Variants in FBXW8 observed in about 807,000 individuals in gnomAD.
The protein encoded by FBXW8 is F-box and WD repeat domain containing 8.
FBXW8 carries 57 observed loss-of-function variants against 65.3 expected under a neutral mutation model. The observed-to-expected ratio is 0.87, with a 90% CI of 0.71 to 1.09. The LOEUF is 1.09. Ranked by LOEUF, FBXW8 falls within the 50% of genes least tolerant of loss-of-function variation. FBXW8 has a pLI of 0.00. For synonymous variants in FBXW8, 308 were observed against 330.2 expected (o/e 0.93, Z 0.73); for missense variants, 777 against 814.8 (o/e 0.95, Z 0.57).
At chr12:116,937,597 T>C (rs2137327811) in intron 2 of FBXW8, among the ~76,000 whole-genome samples, 1 of 152,326 alleles carries the variant, frequency 6.6e-6, no homozygotes, top group African/African-American at 2.4e-5. Flanking sequence ...CATTGGGTTT[T>C]GCAAGTTGGA....
intron 1 of FBXW8, among the ~76,000 whole-genome samples, chr12:116,913,814 T>G (rs1018128704): frequency 6.6e-6 from 1 of 152,214 alleles, no homozygotes; most frequent in Admixed American, 6.5e-5. Context: ...CTGGAGAATC[T>G]GGAGGGTACA....
intron 1 of FBXW8, among the ~76,000 whole-genome samples, chr12:116,916,083 A>G (rs1176122955): frequency 1.3e-5 from 2 of 152,160 alleles, no homozygotes; most frequent in African/African-American, 2.4e-5. Context: ...CCCTATGAAT[A>G]TGCCACATCT....
intron 5 of FBXW8, among the ~76,000 whole-genome samples, 181 bp downstream of exon 5, chr12:116,965,035 ATT>A (rs1190560142): frequency 6.6e-6 from 1 of 152,236 alleles, no homozygotes; most frequent in African/African-American, 2.4e-5. Flanking sequence ...CCGTCAATGC[ATT>A]AGTAGGCATT....
chr12:116,917,610 T>C (rs1411582317), intron 1 of FBXW8, among the ~76,000 whole-genome samples: 1 of 152,156 alleles, frequency 6.6e-6, no homozygotes, highest in Non-Finnish European at 1.5e-5. Flanking sequence ...TGAAGTTGCC[T>C]TTGGATGGGT....
At chr12:116,939,502 A>C (rs1432483133) in intron 2 of FBXW8, among the ~76,000 whole-genome samples, 1 of 152,182 alleles carries the variant, frequency 6.6e-6, no homozygotes, top group African/African-American at 2.4e-5. Flanking sequence ...ACTTATTAAC[A>C]CCTGGAGGTG....
intron 5 of FBXW8, among the ~76,000 whole-genome samples, chr12:116,984,679 C>T (rs941342495): frequency 6.6e-6 from 1 of 152,190 alleles, no homozygotes; most frequent in Non-Finnish European, 1.5e-5. Flanking sequence ...AACTTTGCTT[C>T]ATGCACAGAA....
At position 116,982,900 on chromosome 12, in the gene FBXW8, C is replaced by G. The variant is rs117168131; in HGVS notation, c.836-2306C>G. ...AGCTCATAGTTATTTTATGCACTTA[C>G]AAATGCAGCCGCTCATCCTGCACTT... On this transcript the variant is annotated intron_variant, in intron 5 of 10. Transcript: ENST00000652555. Among the ~76,000 whole-genome samples the G allele has an allele frequency of 3.8e-4, 58 of 152,286 alleles. 2 individuals carry two copies. In the East Asian group the frequency reaches 0.011, roughly 29 times the overall value.
At chr12:116,929,483 C>A (rs1881598255) in intron 2 of FBXW8, among the ~76,000 whole-genome samples, 1 of 152,054 alleles carries the variant, frequency 6.6e-6, no homozygotes, top group South Asian at 2.1e-4. Context: ...AATCCACCCA[C>A]CTCAGCCTCC....
At chr12:116,926,076 C>T (rs1246222129) in intron 1 of FBXW8, among the ~76,000 whole-genome samples, 3 of 152,160 alleles carry the variant, frequency 2.0e-5, no homozygotes, top group Admixed American at 6.5e-5. Context: ...ACAGAAGGCT[C>T]CTGTTACTAG....
At chr12:116,924,177 T>C (rs1177190686) in intron 1 of FBXW8, among the ~76,000 whole-genome samples, 1 of 151,638 alleles carries the variant, frequency 6.6e-6, no homozygotes, top group African/African-American at 2.4e-5. Context: ...TAAGTCAGTG[T>C]TGTCCATTTT....
At position 116,945,493 on chromosome 12, in the gene FBXW8, C is replaced by T. The variant is rs200144890; in HGVS notation, c.553C>T (p.Arg185Ter). The change falls in exon 3 of 11, where the codon CGA (arginine) becomes TGA (stop). Residue 185 changes from arginine (R) to a stop codon, truncating the protein, a stop_gained. Coordinates refer to ENST00000652555, the MANE Select transcript of FBXW8 (RefSeq NM_153348.3). LOFTEE classifies it high-confidence loss of function. ...SCWKLIFQECRAKEHMLRTNW... is the reference protein window; with the variant it reads ...SCWKLIFQEC ...CTGGAAGCTCATCTTCCAAGAGTGC[C>T]GAGCCAAGGAACACATGTTACGAAC... The T allele has an allele frequency of 1.3e-5, 21 of 1,613,958 alleles. No individual in the cohort carries two copies. Among genetic ancestry groups the T allele is most frequent in the Middle Eastern group, 1.7e-4 (1 of 6,058 alleles).
At chr12:116,993,228 C>T (rs958520213) in intron 7 of FBXW8, among the ~76,000 whole-genome samples, 1 of 151,472 alleles carries the variant, frequency 6.6e-6, no homozygotes, top group South Asian at 2.1e-4. Context: ...CTTAGCCTCC[C>T]GAGTAGCTGG....
intron 8 of FBXW8, among the ~76,000 whole-genome samples, chr12:117,013,653 CT>C (rs1156718532): frequency 6.6e-6 from 1 of 152,110 alleles, no homozygotes; most frequent in Non-Finnish European, 1.5e-5. Flanking sequence ...TCAGAATGGA[CT>C]TTTACAATAG....
At chr12:117,018,380 G>T (rs1051557819) in intron 8 of FBXW8, among the ~76,000 whole-genome samples, 1 of 152,208 alleles carries the variant, frequency 6.6e-6, no homozygotes, top group Non-Finnish European at 1.5e-5. Context: ...CCCTGGAATC[G>T]GTTGTCTTGG....
intron 8 of FBXW8, among the ~76,000 whole-genome samples, chr12:117,012,041 A>G (rs1953833008): frequency 6.6e-6 from 1 of 152,106 alleles, no homozygotes; most frequent in African/African-American, 2.4e-5. Context: ...ACACCATTTT[A>G]TATGTAAAGG....
In FBXW8 at chr12:116,981,307, G is replaced by A. The variant is rs1885287889; in HGVS notation, c.836-3899G>A. ...CCCACTCTGCCCATATGCTTTTGGG[G>A]CAGATATCCAACAATACAGTTCAAA... On this transcript the variant is annotated intron_variant, in intron 5 of 10. Coordinates refer to ENST00000652555, the MANE Select transcript of FBXW8 (RefSeq NM_153348.3). 3.3e-5 allele frequency among the ~76,000 whole-genome samples: 5 copies of A among 152,174 alleles called. No homozygotes were observed. In the South Asian group the frequency reaches 1.0e-3, roughly 32 times the overall value.
chr12:116,982,272 A>G, intron 5 of FBXW8, among the ~76,000 whole-genome samples: 1 of 152,222 alleles, frequency 6.6e-6, no homozygotes, highest in East Asian at 1.9e-4. Flanking sequence ...ACCCACTTTA[A>G]ACATATAAAG....
At chr12:116,987,027 A>C (rs1369715803) in intron 6 of FBXW8, 1 of 152,268 alleles carries the variant, frequency 6.6e-6, no homozygotes, top group African/African-American at 2.4e-5. Flanking sequence ...TGCTCTGAGT[A>C]TCCTTGGAAA....
intron 4 of FBXW8, among the ~76,000 whole-genome samples, chr12:116,962,144 G>A (rs977392380): frequency 1.3e-5 from 2 of 152,162 alleles, no homozygotes; most frequent in African/African-American, 4.8e-5. Flanking sequence ...ATGAGCTGAA[G>A]CATTTGATTT....
Sources: gnomAD v4.1 joint callset for allele counts (sites outside exome capture counted in the v4.1 genomes callset) on GRCh38, gnomAD v4.1.1 for gene constraint, MANE v1.5 for transcripts, NCBI Gene and HGNC (gene_info 2026-07-23, HGNC 2026-07-21) for gene names.